The following MEIS2 variants were observed in gnomAD, a reference collection of about 807,000 sequenced individuals.
MEIS2 encodes homeobox protein Meis2.
In MEIS2, 9 loss-of-function variants were observed where a neutral mutation model predicts 58.6. The ratio of observed to expected loss-of-function variants is 0.15; its 90% CI spans 0.09 to 0.27. MEIS2 has a LOEUF of 0.27. MEIS2 is among the 10% of genes least tolerant of loss of function. The pLI, the probability that MEIS2 is intolerant of heterozygous loss-of-function variation, is 1.00. For synonymous variants in MEIS2, 221 were observed against 228.4 expected, an observed-to-expected ratio of 0.97 and a Z score of 0.29; for missense variants, 427 against 635.0, an observed-to-expected ratio of 0.67 and a Z score of 3.52.
intron 5 of MEIS2, 45 bp from the exon 6 acceptor site, chr15:37,093,775 G>T: frequency 1.9e-6 from 3 of 1,600,994 alleles, no homozygotes; most frequent in Middle Eastern, 1.7e-4. Context: ...TGTTGTTGTT[G>T]TTGTTGTTTT....
intron 3 of MEIS2, chr15:37,095,949 C>A: frequency 2.2e-6 from 1 of 450,420 alleles, no homozygotes; most frequent in East Asian, 3.9e-5. Flanking sequence ...AGCTTCCTTG[C>A]CTCCCGGGCA....
intron 9 of MEIS2, among the ~76,000 whole-genome samples, chr15:36,922,447 C>T (rs1287436588): frequency 6.7e-6 from 1 of 150,070 alleles, no homozygotes; most frequent in South Asian, 2.1e-4. Context: ...CCTCATTTTA[C>T]GTTTTAACTA....
intron 6 of MEIS2, among the ~76,000 whole-genome samples, chr15:37,091,615 G>A (rs1427644472): frequency 6.6e-6 from 1 of 152,014 alleles, no homozygotes; most frequent in Non-Finnish European, 1.5e-5. Context: ...ATCCTCTTAG[G>A]TACAACTTCC....
intron 8 of MEIS2, among the ~76,000 whole-genome samples, chr15:37,029,880 A>G (rs1249586026): frequency 6.6e-6 from 1 of 152,104 alleles, no homozygotes; most frequent in Non-Finnish European, 1.5e-5. Context: ...AACCATTACC[A>G]TGGCCAAGTG....
chr15:36,904,475 C>T (rs890100168), intron 9 of MEIS2, among the ~76,000 whole-genome samples: 1 of 152,144 alleles, frequency 6.6e-6, no homozygotes, highest in African/African-American at 2.4e-5. Context: ...ACCACACGCT[C>T]CTGAGTTCAG....
Position 37,042,151 on chromosome 15 carries a change from A to G in MEIS2, c.755-5192T>C, listed in dbSNP as rs188698641. Among the ~76,000 whole-genome samples the G allele has an allele frequency of 4.6e-5, 7 of 152,330 alleles. No individual in the cohort carries two copies. In the East Asian group the frequency reaches 9.7e-4, roughly 21 times the overall value. On this transcript the variant is annotated intron_variant, in intron 7 of 11. Transcript: ENST00000561208. ...GGGCAGCGGAGTAAGACCCTATCTCAAAAAGAAAGGAAAAAGTCAACCATC... is the reference window on the plus strand; with the variant it reads ...GGGCAGCGGAGTAAGACCCTATCTCGAAAAGAAAGGAAAAAGTCAACCATC...
chr15:36,900,569 C>G (rs996009326), intron 9 of MEIS2, among the ~76,000 whole-genome samples: 1 of 152,124 alleles, frequency 6.6e-6, no homozygotes, highest in African/African-American at 2.4e-5. Flanking sequence ...CCAAGAATCA[C>G]GAGGCCTTTC....
At chr15:36,981,598 A>G (rs1475566137) in intron 8 of MEIS2, among the ~76,000 whole-genome samples, 1 of 152,010 alleles carries the variant, frequency 6.6e-6, no homozygotes, top group Admixed American at 6.6e-5. Context: ...GCGTGCTTGC[A>G]TGTGTGCATG....
chr15:36,970,567 CT>C (rs1008639641), intron 8 of MEIS2, among the ~76,000 whole-genome samples: 1 of 152,182 alleles, frequency 6.6e-6, no homozygotes, highest in African/African-American at 2.4e-5. Context: ...TTATCCTTTG[CT>C]GTACAAATCA....
intron 8 of MEIS2, among the ~76,000 whole-genome samples, chr15:37,036,055 A>C (rs1337680167): frequency 6.6e-6 from 1 of 151,758 alleles, no homozygotes; most frequent in African/African-American, 2.4e-5. Context: ...TTATCTGTAA[A>C]AATATATTGT....
intron 8 of MEIS2, among the ~76,000 whole-genome samples, chr15:37,011,400 A>G (rs2061148319): frequency 6.6e-6 from 1 of 152,150 alleles, no homozygotes; most frequent in Admixed American, 6.5e-5. Flanking sequence ...ATTTCAAAAT[A>G]GAAAAATGAA....
At chr15:37,091,235 A>G (rs575642619) in intron 6 of MEIS2, among the ~76,000 whole-genome samples, 29 of 152,276 alleles carry the variant, frequency 1.9e-4, no homozygotes, top group African/African-American at 6.5e-4. Flanking sequence ...CCTGGACATG[A>G]ATACAATCAA....
At chr15:36,943,302 A>C (rs1034316900) in intron 9 of MEIS2, among the ~76,000 whole-genome samples, 1 of 152,190 alleles carries the variant, frequency 6.6e-6, no homozygotes, top group Non-Finnish European at 1.5e-5. Flanking sequence ...TTATTTGAGC[A>C]AACTTTGTCT....
intron 9 of MEIS2, among the ~76,000 whole-genome samples, chr15:36,924,519 A>T (rs1302309042): frequency 6.6e-6 from 1 of 152,244 alleles, no homozygotes; most frequent in Non-Finnish European, 1.5e-5. Flanking sequence ...AGAGAAAAAT[A>T]TGAAATACAC....
At chr15:37,017,532 G>A (rs1025149726) in intron 8 of MEIS2, among the ~76,000 whole-genome samples, 3 of 152,142 alleles carry the variant, frequency 2.0e-5, no homozygotes, top group Non-Finnish European at 4.4e-5. Flanking sequence ...GATCGCTTGA[G>A]CCCAGAAGTG....
At chr15:37,030,146 A>T (rs1286524941) in intron 8 of MEIS2, among the ~76,000 whole-genome samples, 1 of 152,292 alleles carries the variant, frequency 6.6e-6, no homozygotes, top group East Asian at 1.9e-4. Context: ...TCTCTCTCAA[A>T]AGTAGCCCCA....
intron 8 of MEIS2, among the ~76,000 whole-genome samples, chr15:37,024,184 C>T (rs1255193336): frequency 6.6e-6 from 1 of 152,074 alleles, no homozygotes; most frequent in Admixed American, 6.5e-5. Context: ...AGGTGTGAGC[C>T]ACTGCGCCTG....
chr15:37,095,534 TG>T (rs1404383425), intron 4 of MEIS2, 29 bp downstream of exon 4: 6 of 1,614,010 alleles, frequency 3.7e-6, no homozygotes, highest in South Asian at 1.1e-5. Flanking sequence ...GGGCAAAGGC[TG>T]GGGAAAAACA....
intron 8 of MEIS2, among the ~76,000 whole-genome samples, chr15:37,004,583 T>C (rs753609958): frequency 6.6e-6 from 1 of 152,230 alleles, no homozygotes; most frequent in Non-Finnish European, 1.5e-5. Context: ...GTGCTTCAGA[T>C]TGAGCTGCTT....
Sources: allele counts gnomAD v4.1 joint callset (sites outside exome capture counted in the v4.1 genomes callset), GRCh38; gene constraint gnomAD v4.1.1; transcripts MANE v1.5; gene names NCBI Gene and HGNC (gene_info 2026-07-23, HGNC 2026-07-21).